Variants in DDX46 observed in about 807,000 individuals in gnomAD.
DDX46 encodes probable ATP-dependent RNA helicase DDX46.
Under a neutral mutation model 134.9 loss-of-function variants are expected in DDX46, and 30 were observed. That is an observed-to-expected ratio of 0.22 (90% CI 0.17 to 0.30). DDX46 has a LOEUF of 0.30. Ranked by LOEUF, DDX46 falls within the 10% of genes least tolerant of loss-of-function variation. The probability of loss-of-function intolerance (pLI) is 1.00; values close to 1 mark genes in which losing one functional copy is unlikely to be tolerated. For synonymous variants in DDX46, 415 were observed against 404.1 expected (o/e 1.03, Z -0.32); for missense variants, 622 against 1,248.7 (o/e 0.50, Z 7.56).
intron 12 of DDX46, 132 bp from the exon 13 acceptor site, chr5:134,790,338 C>T (rs954255659): frequency 9.7e-6 from 7 of 725,004 alleles, no homozygotes; most frequent in African/African-American, 1.8e-5. Context: ...TTTAAAGATA[C>T]CTAACTTACC....
chr5:134,790,573 GT>G, intron 13 of DDX46, 21 bp downstream of exon 13: 1 of 1,591,774 alleles, frequency 6.3e-7, no homozygotes, highest in Non-Finnish European at 8.6e-7. Flanking sequence ...AATTTCTTAA[GT>G]GTTTTGAAAT....
intron 1 of DDX46, among the ~76,000 whole-genome samples, chr5:134,759,864 C>T (rs1417483769): frequency 1.3e-5 from 2 of 152,120 alleles, no homozygotes; most frequent in Non-Finnish European, 2.9e-5. Flanking sequence ...ATTCCTGTGA[C>T]GGTGTTTTAA....
At position 134,807,812 on chromosome 5, in the gene DDX46, T is replaced by C; in HGVS notation, c.2019T>C (p.Leu673=). 6.2e-7 allele frequency: 1 copy of C among 1,614,198 alleles called. No individual in the cohort carries two copies. The highest frequency in any genetic ancestry group is 2.2e-5 in the East Asian group (1 of 44,884). The stretch of plus-strand genomic sequence containing the variant: ...TTAAGAATGGGACCTGCAAACTTCT[T>C]GTGGCTACCTCTGTTGCTGCCCGAG... The part of the protein sequence containing the change: ...NDFKNGTCKL[L]VATSVAARGL... The change falls in exon 16 of 23, where the codon CTT becomes CTC. Residue 673 remains leucine (L), a synonymous_variant. Transcript: ENST00000452510.
chr5:134,762,190 T>C (rs915048116), intron 1 of DDX46, among the ~76,000 whole-genome samples: 5 of 148,890 alleles, frequency 3.4e-5, no homozygotes, highest in Non-Finnish European at 5.9e-5. Flanking sequence ...GGTGGGAAGA[T>C]GCTTGAGGCC....
At chr5:134,768,399 C>T (rs922614959) in intron 3 of DDX46, among the ~76,000 whole-genome samples, 2 of 150,964 alleles carry the variant, frequency 1.3e-5, no homozygotes, top group Admixed American at 6.7e-5. Flanking sequence ...CGTGAGCCAC[C>T]GTGCCTGGCC....
At chr5:134,797,183 AAAAAAAAAAAAAAACAC>A (rs1754686220) in intron 15 of DDX46, 3 of 289,732 alleles carry the variant, frequency 1.0e-5, no homozygotes, top group African/African-American at 4.6e-5. Context: ...AAAAAAAAAA[AAAAAAAAAAAAAAACAC>A]AAAACACATG....
chr5:134,780,612 AT>A (rs1419581629), intron 6 of DDX46: 25 of 148,800 alleles, frequency 1.7e-4, no homozygotes, highest in African/African-American at 5.9e-4. Context: ...AGTATGTATA[AT>A]TATATAAAAT....
chr5:134,811,724 G>T lies in DDX46; in HGVS notation c.2315G>T (p.Gly772Val). 1 of 1,607,812 alleles carries T rather than the reference G, an allele frequency of 6.2e-7. No homozygotes were observed. Among genetic ancestry groups the T allele is most frequent in the Non-Finnish European group, 8.5e-7 (1 of 1,178,480 alleles). Residue 772 changes from glycine (G) to valine (V), a missense_variant, in exon 18 of 23, where the codon GGG becomes GTG. Physicochemically the swap from Gly to Val is moderately radical, Grantham distance 109. Around this residue, in one of 8 missense-constraint regions of DDX46, gnomAD observed 209 missense variants for 508.4 expected, o/e 0.41. Transcript: ENST00000452510. ...GGGAAAATAATTAAAAAGAGTAGTGGGTTCTCTGGTAAGGGATTCAAGTTT... is the reference window on the plus strand; with the variant it reads ...GGGAAAATAATTAAAAAGAGTAGTGTGTTCTCTGGTAAGGGATTCAAGTTT... ...AEGKIIKKSS[G>V]FSGKGFKFDE...
At chr5:134,786,209 CTTGA>C (rs953690471) in intron 11 of DDX46, among the ~76,000 whole-genome samples, 2 of 152,058 alleles carry the variant, frequency 1.3e-5, no homozygotes, top group South Asian at 2.1e-4. Context: ...GATATGTTAG[CTTGA>C]TTGTGTTCAT....
chr5:134,813,274 T>G (rs1343383382), intron 18 of DDX46, among the ~76,000 whole-genome samples: 1 of 152,218 alleles, frequency 6.6e-6, no homozygotes, highest in Non-Finnish European at 1.5e-5. Flanking sequence ...TCTGTTACCA[T>G]GTAACAAATC....
At chr5:134,817,951 GT>G (rs554975530) in intron 20 of DDX46, among the ~76,000 whole-genome samples, 7,742 of 134,772 alleles carry the variant, frequency 0.057, 355 homozygotes, top group African/African-American at 0.15. Context: ...CTTGTTTGTT[GT>G]TTTTTTTTTT....
At chr5:134,814,030 C>A (rs1394965463) in intron 18 of DDX46, among the ~76,000 whole-genome samples, 1 of 152,152 alleles carries the variant, frequency 6.6e-6, no homozygotes, top group Non-Finnish European at 1.5e-5. Context: ...CACTTTTTGA[C>A]ATTATGGTAG....
chr5:134,826,912 T>A, intron 21 of DDX46, 35 bp from the exon 22 acceptor site: 1 of 1,601,020 alleles, frequency 6.2e-7, no homozygotes. Flanking sequence ...GTAAGTTTAG[T>A]AATTTGAATA....
chr5:134,790,146 A>C (rs1023460391), intron 12 of DDX46: 2 of 496,322 alleles, frequency 4.0e-6, no homozygotes, highest in African/African-American at 3.9e-5. Flanking sequence ...TCGATGCTTC[A>C]TCTCAGTCTT....
chr5:134,793,497 C>G (rs1005420925), intron 13 of DDX46, among the ~76,000 whole-genome samples: 6 of 152,132 alleles, frequency 3.9e-5, no homozygotes, highest in African/African-American at 1.4e-4. Context: ...CTCCGCCTCC[C>G]AGGTTCAAGT....
intron 18 of DDX46, among the ~76,000 whole-genome samples, chr5:134,813,355 G>C (rs916118488): frequency 6.6e-6 from 1 of 152,260 alleles, no homozygotes; most frequent in Non-Finnish European, 1.5e-5. Context: ...ATCAGGAGCA[G>C]TTTAGTCAGG....
intron 21 of DDX46, among the ~76,000 whole-genome samples, chr5:134,821,197 C>A (rs975232566): frequency 1.3e-5 from 2 of 152,002 alleles, no homozygotes; most frequent in Non-Finnish European, 2.9e-5. Context: ...ACCACCATGC[C>A]CGGCTAATTT....
chr5:134,797,289 T>G (rs954015348), intron 15 of DDX46: 1 of 206,170 alleles, frequency 4.9e-6, no homozygotes, highest in Admixed American at 5.7e-5. Flanking sequence ...ACTCCAAAAT[T>G]TAGTTGCAAT....
At chr5:134,792,284 A>G (rs1754527423) in intron 13 of DDX46, among the ~76,000 whole-genome samples, 1 of 152,176 alleles carries the variant, frequency 6.6e-6, no homozygotes, top group African/African-American at 2.4e-5. Context: ...GCAGCATTGA[A>G]TTTATTTTTT....
Sources: gnomAD v4.1 joint callset for allele counts (sites outside exome capture counted in the v4.1 genomes callset) on GRCh38, gnomAD v4.1.1 for gene constraint, gnomAD v4.1.1 regional missense constraint, MANE v1.5 for transcripts, NCBI Gene and HGNC (gene_info 2026-07-23, HGNC 2026-07-21) for gene names.